Variants in NXPH1 observed in about 807,000 individuals in gnomAD.
The protein encoded by NXPH1 is neurexophilin 1.
A neutral mutation model predicts 23.7 loss-of-function variants in NXPH1; 5 were observed. The ratio of observed to expected loss-of-function variants is 0.21; its 90% confidence interval spans 0.11 to 0.44. The LOEUF (loss-of-function observed/expected upper bound fraction) is 0.44. NXPH1 is among the 20% of genes least tolerant of loss of function. The probability of loss-of-function intolerance (pLI) is 0.99; values close to 1 mark genes in which losing one functional copy is unlikely to be tolerated. For synonymous variants in NXPH1, 144 were observed against 122.2 expected, an observed-to-expected ratio of 1.18 and a Z score of -1.18; for missense variants, 324 against 321.6, an observed-to-expected ratio of 1.01 and a Z score of -0.06.
At chr7:8,526,982 C>A (rs1385878057) in intron 2 of NXPH1, among the ~76,000 whole-genome samples, 1 of 152,054 alleles carries the variant, frequency 6.6e-6, no homozygotes, top group Non-Finnish European at 1.5e-5. Flanking sequence ...CAGTCAGGAC[C>A]ACTCTGATGA....
chr7:8,629,465 C>G (rs559603875), intron 2 of NXPH1, among the ~76,000 whole-genome samples: 2 of 152,244 alleles, frequency 1.3e-5, no homozygotes, highest in South Asian at 4.1e-4. Context: ...TAATGACTTA[C>G]ATGCAGTTGG....
At chr7:8,646,308 T>C (rs1820399313) in intron 2 of NXPH1, among the ~76,000 whole-genome samples, 1 of 152,160 alleles carries the variant, frequency 6.6e-6, no homozygotes, top group African/African-American at 2.4e-5. Flanking sequence ...ACAAGTGCAA[T>C]GGATTTTTGT....
At chr7:8,662,313 T>C (rs1239369687) in intron 2 of NXPH1, among the ~76,000 whole-genome samples, 2 of 152,054 alleles carry the variant, frequency 1.3e-5, no homozygotes, top group Non-Finnish European at 2.9e-5. Context: ...CTACATGATA[T>C]TGATGCCTTG....
At chr7:8,734,449 A>G (rs1562469111) in intron 2 of NXPH1, among the ~76,000 whole-genome samples, 2 of 152,176 alleles carry the variant, frequency 1.3e-5, no homozygotes, top group African/African-American at 4.8e-5. Flanking sequence ...CATTGAATCT[A>G]TAAATTACTT....
chr7:8,677,491 C>T (rs1345810064), intron 2 of NXPH1, among the ~76,000 whole-genome samples: 1 of 152,084 alleles, frequency 6.6e-6, no homozygotes, highest in Non-Finnish European at 1.5e-5. Flanking sequence ...CAGGGAAAGG[C>T]AGGGGACAGA....
chr7:8,641,802 T>A lies in NXPH1; in HGVS notation c.55-109206T>A, dbSNP rs139221959. 1.3e-3 allele frequency among the ~76,000 whole-genome samples: 198 copies of A among 152,348 alleles called. 1 individual carries two copies. Among genetic ancestry groups the A allele is most frequent in the African/African-American group, 4.6e-3 (191 of 41,590 alleles). ...ATATACTATAATTTAGTTTTCATTC[T>A]TATACAACCTTTTTGTCCTTATTTG... is the stretch of plus-strand genomic sequence containing the variant. On this transcript the variant is annotated intron_variant, in intron 2 of 2. Transcript: ENST00000405863.
At chr7:8,528,010 A>G (rs555670147) in intron 2 of NXPH1, among the ~76,000 whole-genome samples, 2 of 152,326 alleles carry the variant, frequency 1.3e-5, no homozygotes, top group African/African-American at 4.8e-5. Flanking sequence ...TCTTCGTGTT[A>G]GTTTTCTTTC....
chr7:8,693,863 A>T (rs904791514), intron 2 of NXPH1, among the ~76,000 whole-genome samples: 1 of 152,186 alleles, frequency 6.6e-6, no homozygotes, highest in Non-Finnish European at 1.5e-5. Context: ...TGGTGTAATT[A>T]CTAATGGCTT....
chr7:8,738,617 G>A (rs1378002332), intron 2 of NXPH1, among the ~76,000 whole-genome samples: 1 of 152,164 alleles, frequency 6.6e-6, no homozygotes, highest in East Asian at 1.9e-4. Flanking sequence ...CCCACTTGAG[G>A]AGGCAGTCTG....
intron 2 of NXPH1, among the ~76,000 whole-genome samples, chr7:8,699,089 T>A (rs1341432695): frequency 6.6e-6 from 1 of 152,114 alleles, no homozygotes; most frequent in Non-Finnish European, 1.5e-5. Context: ...ACAGATCAAA[T>A]TTTTTTGGTC....
chr7:8,603,427 TG>T, intron 2 of NXPH1, among the ~76,000 whole-genome samples: 1 of 152,298 alleles, frequency 6.6e-6, no homozygotes, highest in African/African-American at 2.4e-5. Context: ...TTTGTTTTTT[TG>T]CTCAGCTGGA....
intron 2 of NXPH1, among the ~76,000 whole-genome samples, chr7:8,602,687 A>T (rs1272048762): frequency 1.3e-5 from 2 of 152,114 alleles, no homozygotes; most frequent in African/African-American, 4.8e-5. Flanking sequence ...TGTCATTCTC[A>T]CAATTTGTTG....
chr7:8,617,586 T>C (rs941347367), intron 2 of NXPH1, among the ~76,000 whole-genome samples: 4 of 152,122 alleles, frequency 2.6e-5, no homozygotes, highest in Non-Finnish European at 4.4e-5. Context: ...TTCTCATTTA[T>C]TTGTGGGATC....
intron 2 of NXPH1, among the ~76,000 whole-genome samples, chr7:8,746,671 T>C (rs553972343): frequency 6.6e-6 from 1 of 152,204 alleles, no homozygotes; most frequent in Non-Finnish European, 1.5e-5. Flanking sequence ...ATTTAAAAAA[T>C]TATTTTATTG....
chr7:8,736,732 T>G (rs1432310252), intron 2 of NXPH1, among the ~76,000 whole-genome samples: 2 of 152,206 alleles, frequency 1.3e-5, no homozygotes, highest in Non-Finnish European at 2.9e-5. Context: ...AGTGGGGTGT[T>G]AAAGTCTCCC....
chr7:8,599,107 A>G (rs980578324), intron 2 of NXPH1, among the ~76,000 whole-genome samples: 1 of 152,170 alleles, frequency 6.6e-6, no homozygotes, highest in Non-Finnish European at 1.5e-5. Flanking sequence ...ACTCAAATAC[A>G]ATGTAGAATG....
intron 2 of NXPH1, among the ~76,000 whole-genome samples, chr7:8,474,857 A>G (rs116172721): frequency 1.8e-3 from 276 of 152,188 alleles, no homozygotes; most frequent in African/African-American, 6.3e-3. Flanking sequence ...CTCACCTGGA[A>G]TTTAAGAGGA....
chr7:8,727,772 G>A (rs1032512481), intron 2 of NXPH1, among the ~76,000 whole-genome samples: 1 of 152,154 alleles, frequency 6.6e-6, no homozygotes, highest in Non-Finnish European at 1.5e-5. Flanking sequence ...CAAGTAGCGT[G>A]ATGCCTCCAG....
At chr7:8,652,628 C>G (rs1820507657) in intron 2 of NXPH1, among the ~76,000 whole-genome samples, 1 of 152,178 alleles carries the variant, frequency 6.6e-6, no homozygotes, top group Non-Finnish European at 1.5e-5. Context: ...TAGCAATAAA[C>G]AAGACAGGTA....
Sources: gnomAD v4.1 joint callset for allele counts (sites outside exome capture counted in the v4.1 genomes callset) on GRCh38, gnomAD v4.1.1 for gene constraint, MANE v1.5 for transcripts, NCBI Gene and HGNC (gene_info 2026-07-23, HGNC 2026-07-21) for gene names.